RANBP2: variants seen among roughly 807,000 people sequenced by gnomAD.
RANBP2 encodes E3 SUMO-protein ligase RanBP2.
A neutral mutation model predicts 303.6 loss-of-function variants in RANBP2; 57 were observed. The observed-to-expected ratio is 0.19, with a 90% CI of 0.15 to 0.23. The LOEUF is 0.23. Among genes scored for constraint, RANBP2 ranks in the 10% least tolerant of loss-of-function variants. The pLI is 1.00. For synonymous variants in RANBP2, 1,167 were observed against 1,301.5 expected (o/e 0.90, Z 2.23); for missense variants, 3,138 against 3,780.8 (o/e 0.83, Z 4.46).
At chr2:109,510,123 C>T in the RANBP2 span, among the ~76,000 whole-genome samples, 1 of 152,032 alleles carries the variant, frequency 6.6e-6, no homozygotes, top group South Asian at 2.1e-4. Flanking sequence ...GTGTGCACAC[C>T]CCAACCCGAG....
At chr2:109,347,904 G>C in the RANBP2 span, 1 of 1,610,896 alleles carries the variant, frequency 6.2e-7, no homozygotes, top group Non-Finnish European at 8.5e-7. Flanking sequence ...ATGATTTCGA[G>C]ATGAAGGACA....
At chr2:108,813,146 G>A in the RANBP2 span, among the ~76,000 whole-genome samples, 1 of 148,712 alleles carries the variant, frequency 6.7e-6, no homozygotes, top group Non-Finnish European at 1.5e-5. Context: ...CTACTCGAGA[G>A]GCTGAGGCAG....
chr2:109,686,384 G>A, the RANBP2 span, among the ~76,000 whole-genome samples: 8 of 152,010 alleles, frequency 5.3e-5, no homozygotes, highest in Non-Finnish European at 7.4e-5. Context: ...GCACAATCTC[G>A]GCTCACTGCA....
At chr2:109,240,278 T>C in the RANBP2 span, among the ~76,000 whole-genome samples, 1 of 152,160 alleles carries the variant, frequency 6.6e-6, no homozygotes, top group Non-Finnish European at 1.5e-5. Context: ...GGAGGGCAGA[T>C]CACTTGAGGT....
chr2:109,500,108 C>T, the RANBP2 span, among the ~76,000 whole-genome samples: 1 of 152,106 alleles, frequency 6.6e-6, no homozygotes, highest in African/African-American at 2.4e-5. Flanking sequence ...AACCCACAGT[C>T]GATTCTTTTG....
At position 108,719,684 on chromosome 2, in the gene RANBP2, TG is replaced by T; in HGVS notation, c.72+9del. The T allele has an allele frequency of 1.2e-6, 2 of 1,602,390 alleles. No homozygotes were observed. The highest frequency in any genetic ancestry group is 1.7e-6 in the Non-Finnish European group (2 of 1,175,794). On this transcript the variant is annotated splice_region_variant and intron_variant, in intron 1 of 28. Transcript: ENST00000283195. ...CCACCCCGTCGCCTCGACAGGTGAG[TG>T]GGTCTCGAAGAGACCGACGGCCTCG...
At chr2:109,366,507 T>C in the RANBP2 span, among the ~76,000 whole-genome samples, 3 of 152,226 alleles carry the variant, frequency 2.0e-5, no homozygotes, top group East Asian at 5.8e-4. Context: ...CACGTATACA[T>C]ATATACATAC....
chr2:109,615,455 C>T, the RANBP2 span: 1 of 1,613,282 alleles, frequency 6.2e-7, no homozygotes, highest in Non-Finnish European at 8.5e-7. Flanking sequence ...CCATGCTAGT[C>T]AACTTCGCCA....
At chr2:109,037,414 G>T in the RANBP2 span, among the ~76,000 whole-genome samples, 1 of 151,068 alleles carries the variant, frequency 6.6e-6, no homozygotes, top group Non-Finnish European at 1.5e-5. Flanking sequence ...CAAGCAATCT[G>T]TTCTCACCAC....
the RANBP2 span, among the ~76,000 whole-genome samples, chr2:109,609,254 A>G: frequency 6.6e-6 from 1 of 152,198 alleles, no homozygotes; most frequent in Admixed American, 6.5e-5. Context: ...GCAAGAATAA[A>G]ATTGTCCAAG....
At chr2:109,262,307 G>A in the RANBP2 span, among the ~76,000 whole-genome samples, 1 of 152,174 alleles carries the variant, frequency 6.6e-6, no homozygotes. Context: ...TAAATGTCTC[G>A]AGTAACCACG....
the RANBP2 span, among the ~76,000 whole-genome samples, chr2:109,695,654 A>G: frequency 1.4e-4 from 21 of 152,198 alleles, no homozygotes; most frequent in Admixed American, 6.5e-5. Context: ...TGCTTCAGCT[A>G]TCAAATCTTT....
chr2:109,208,039 G>A, the RANBP2 span, among the ~76,000 whole-genome samples: 3 of 152,210 alleles, frequency 2.0e-5, no homozygotes, highest in Non-Finnish European at 4.4e-5. Flanking sequence ...CATGCGATTT[G>A]TTAAATTCAA....
chr2:109,593,770 G>C, the RANBP2 span, among the ~76,000 whole-genome samples: 1 of 152,088 alleles, frequency 6.6e-6, no homozygotes, highest in Non-Finnish European at 1.5e-5. Context: ...CCACTGCAGC[G>C]TGTCAGAGGA....
the RANBP2 span, among the ~76,000 whole-genome samples, chr2:108,898,358 G>A: frequency 6.6e-6 from 1 of 152,124 alleles, no homozygotes; most frequent in Non-Finnish European, 1.5e-5. Context: ...GCAGTAAAAA[G>A]GAATCCCCCT....
the RANBP2 span, among the ~76,000 whole-genome samples, chr2:109,273,698 G>A: frequency 7.9e-3 from 1,209 of 152,238 alleles, 14 homozygotes; most frequent in African/African-American, 0.028. Flanking sequence ...TGTCAGGGAC[G>A]CATGAGATCT....
chr2:109,214,457 A>AG, the RANBP2 span, among the ~76,000 whole-genome samples: 3 of 151,430 alleles, frequency 2.0e-5, no homozygotes, highest in Non-Finnish European at 4.4e-5. Context: ...TTAAAAAAAA[A>AG]GAGTCATAGA....
the RANBP2 span, among the ~76,000 whole-genome samples, chr2:108,941,148 C>T: frequency 6.6e-6 from 1 of 152,196 alleles, no homozygotes; most frequent in African/African-American, 2.4e-5. Flanking sequence ...GATGCGTCTG[C>T]GTTGTGGGAA....
the RANBP2 span, among the ~76,000 whole-genome samples, chr2:109,291,104 C>G: frequency 6.6e-6 from 1 of 152,130 alleles, no homozygotes; most frequent in South Asian, 2.1e-4. Context: ...GTGTCCAGAA[C>G]CAGTCACTTA....
Sources: gnomAD v4.1 joint callset for allele counts (sites outside exome capture counted in the v4.1 genomes callset) on GRCh38, gnomAD v4.1.1 for gene constraint, MANE v1.5 for transcripts, NCBI Gene and HGNC (gene_info 2026-07-23, HGNC 2026-07-21) for gene names.